Variants in ATE1 observed in about 807,000 individuals in gnomAD.
ATE1 encodes arginyl-tRNA--protein transferase 1.
In ATE1, 36 loss-of-function variants were observed where a neutral mutation model predicts 70.5. The ratio of observed to expected loss-of-function variants is 0.51; its 90% CI spans 0.39 to 0.67. ATE1 has a LOEUF of 0.67. Ranked by LOEUF, ATE1 falls within the 30% of genes least tolerant of loss-of-function variation. ATE1 has a pLI of 0.00. For missense variants in ATE1, 593 were observed against 629.5 expected, an observed-to-expected ratio of 0.94 and a Z score of 0.62; for synonymous variants, 232 against 219.3, an observed-to-expected ratio of 1.06 and a Z score of -0.51.
rs183418533 is a variant in ATE1, at chr10:121,753,100, T to C, written c.1379-9242A>G. On this transcript the variant is annotated intron_variant, in intron 11 of 11. Transcript: ENST00000224652. ...ATTCCTAACAATTCTATTTTAATGC[T>C]GTTGTAAACGCAACTGTTGATAATT... 1.5e-3 allele frequency among the ~76,000 whole-genome samples: 230 copies of C among 152,390 alleles called. 2 individuals carry two copies. The highest frequency in any genetic ancestry group is 5.4e-3 in the African/African-American group (225 of 41,594).
chr10:121,906,312 G>A (rs1043051643), intron 5 of ATE1, among the ~76,000 whole-genome samples: 2 of 152,008 alleles, frequency 1.3e-5, no homozygotes, highest in Admixed American at 6.6e-5. Context: ...CAGATCACTT[G>A]AGTCCAGGAG....
intron 2 of ATE1, 70 bp from the exon 3 acceptor site, chr10:121,922,481 G>A (rs2134608237): frequency 2.2e-6 from 2 of 913,164 alleles, no homozygotes; most frequent in East Asian, 2.6e-5. Context: ...CCTAGCACAG[G>A]AGCATTAAAT....
intron 10 of ATE1, among the ~76,000 whole-genome samples, chr10:121,825,979 A>G (rs1471937393): frequency 6.6e-6 from 1 of 152,250 alleles, no homozygotes; most frequent in Admixed American, 6.5e-5. Context: ...GTGAAATGTT[A>G]TTCAGCCTTA....
intron 7 of ATE1, among the ~76,000 whole-genome samples, chr10:121,887,018 C>G (rs1296738911): frequency 6.6e-6 from 1 of 152,038 alleles, no homozygotes; most frequent in African/African-American, 2.4e-5. Context: ...TATTTAAAAC[C>G]TTTAACAAGC....
At chr10:121,906,795 C>T (rs900021027) in intron 5 of ATE1, among the ~76,000 whole-genome samples, 2 of 151,994 alleles carry the variant, frequency 1.3e-5, no homozygotes, top group African/African-American at 2.4e-5. Context: ...GATGGGGTTT[C>T]ACCATGCTGG....
At position 121,740,749 on chromosome 10, in the gene ATE1, TA is replaced by T. The variant is rs1944124674; in HGVS notation, c.*2930del. 6.6e-6 allele frequency: 1 copy of T among 152,176 alleles called. No homozygotes were observed. Among genetic ancestry groups the T allele is most frequent in the Admixed American group, 6.5e-5 (1 of 15,282 alleles). The allele number at this position is 152,176 out of a possible 1,614,324, so 9.4% of individuals were successfully genotyped here. On this transcript the variant is annotated 3_prime_UTR_variant, in exon 12 of 12. Transcript: ENST00000224652. ...AGAAATCTGGAAAGGTTCTTTTACA[TA>T]ATAGATTCTGACACGTTAAGAAACT...
intron 10 of ATE1, among the ~76,000 whole-genome samples, chr10:121,805,858 T>G (rs1947075502): frequency 2.0e-5 from 3 of 152,188 alleles, no homozygotes; most frequent in African/African-American, 7.2e-5. Flanking sequence ...CTATTTATAT[T>G]ATACATTTAG....
At chr10:121,879,087 A>G (rs1385454200) in intron 7 of ATE1, among the ~76,000 whole-genome samples, 2 of 152,212 alleles carry the variant, frequency 1.3e-5, no homozygotes, top group Non-Finnish European at 1.5e-5. Context: ...TGAAAAATTC[A>G]GCTAACAAAT....
At chr10:121,873,968 T>A (rs1949947650) in intron 7 of ATE1, among the ~76,000 whole-genome samples, 1 of 152,168 alleles carries the variant, frequency 6.6e-6, no homozygotes. Context: ...ACTAGTCATA[T>A]CAAATATCCA....
chr10:121,910,951 C>A lies in ATE1; in HGVS notation c.538G>T (p.Gly180Cys). ...ACTTTAACTGAATGTGACGGTTCAC[C>A]AGAGCCCAACTTCTCTCCTACGAAA... ...QDFVGEKLGS[G>C]EPSHSVKVHT... The change falls in exon 5 of 12, where the codon GGT becomes TGT. Residue 180 changes from glycine to cysteine, a missense_variant. Gly to Cys is a radical substitution (Grantham distance 159). This residue lies in a region of ATE1 where 467 missense variants were observed against 469.6 expected (regional missense o/e 0.99). Transcript: ENST00000224652. 1 of 1,613,814 alleles carries A rather than the reference C, an allele frequency of 6.2e-7. No homozygotes were observed. The highest frequency in any genetic ancestry group is 1.1e-5 in the South Asian group (1 of 90,944).
At chr10:121,840,008 AAG>A (rs920087827) in intron 9 of ATE1, among the ~76,000 whole-genome samples, 1 of 152,218 alleles carries the variant, frequency 6.6e-6, no homozygotes, top group Non-Finnish European at 1.5e-5. Context: ...CAGTGAGAAA[AAG>A]AGAGACTCAA....
At chr10:121,775,543 A>G (rs1945702634) in intron 11 of ATE1, among the ~76,000 whole-genome samples, 1 of 152,238 alleles carries the variant, frequency 6.6e-6, no homozygotes, top group Non-Finnish European at 1.5e-5. Context: ...ACTATAGAAG[A>G]GGAGAGGAGG....
chr10:121,928,392 A>C, upstream of ATE1: 1 of 1,532,016 alleles, frequency 6.5e-7, no homozygotes, highest in Non-Finnish European at 8.8e-7. Context: ...CCGCAGTGGT[A>C]GCCGGCCCTG....
intron 10 of ATE1, among the ~76,000 whole-genome samples, chr10:121,794,418 AAC>A (rs1337956541): frequency 6.6e-6 from 1 of 152,124 alleles, no homozygotes; most frequent in Non-Finnish European, 1.5e-5. Context: ...CAGGCTGGGC[AAC>A]ACAGTGAGAC....
chr10:121,797,090 T>C (rs531368897), intron 10 of ATE1, among the ~76,000 whole-genome samples: 50 of 152,314 alleles, frequency 3.3e-4, no homozygotes, highest in Non-Finnish European at 6.8e-4. Context: ...TAAAAGGACA[T>C]ATGTACGTGG....
chr10:121,750,334 T>C (rs1445633466), intron 11 of ATE1, among the ~76,000 whole-genome samples: 1 of 152,214 alleles, frequency 6.6e-6, no homozygotes, highest in Non-Finnish European at 1.5e-5. Flanking sequence ...CTGAGATGTC[T>C]TAAAAATATG....
intron 11 of ATE1, among the ~76,000 whole-genome samples, chr10:121,781,771 T>C (rs1490803588): frequency 6.6e-6 from 1 of 152,238 alleles, no homozygotes; most frequent in East Asian, 1.9e-4. Flanking sequence ...CTTTCCCTAT[T>C]GTCAACATGC....
chr10:121,796,994 A>G (rs10749431), intron 10 of ATE1, among the ~76,000 whole-genome samples: 143,863 of 152,238 alleles, frequency 0.94, 68,212 homozygotes, highest in Non-Finnish European at 0.98. Context: ...AACAGAATTC[A>G]GCCTAAAAAT....
At chr10:121,927,055 C>A in intron 1 of ATE1, 1 of 985,442 alleles carries the variant, frequency 1.0e-6, no homozygotes, top group South Asian at 4.7e-5. Flanking sequence ...CAAAGCTAGA[C>A]TGTTCTATTA....
Sources: gnomAD v4.1 joint callset for allele counts (sites outside exome capture counted in the v4.1 genomes callset) on GRCh38, gnomAD v4.1.1 for gene constraint, gnomAD v4.1.1 regional missense constraint, MANE v1.5 for transcripts, NCBI Gene and HGNC (gene_info 2026-07-23, HGNC 2026-07-21) for gene names.